MYLK: variants seen among roughly 807,000 people sequenced by gnomAD.
The protein encoded by MYLK is myosin light chain kinase, also known as myosin light chain kinase, smooth muscle.
In MYLK, 106 loss-of-function variants were observed where a neutral mutation model predicts 203.4. The observed-to-expected ratio is 0.52, with a 90% CI of 0.45 to 0.61. The LOEUF is 0.61. Ranked by LOEUF, MYLK falls within the 20% of genes least tolerant of loss-of-function variation. The probability of loss-of-function intolerance (pLI) is 0.00; values close to 1 mark genes in which losing one functional copy is unlikely to be tolerated. For synonymous variants in MYLK, 867 were observed against 959.5 expected (o/e 0.90, Z 1.78); for missense variants, 2,072 against 2,442.3 (o/e 0.85, Z 3.20).
rs752526557 is a variant in MYLK at position 123,638,116 on chromosome 3, C to G, written c.4916G>C (p.Gly1639Ala). ...GATGCTCCACATGTCTGTGGCGTAGCCGATGGGCTCATAGTTGATCACTTC... is the reference window on the plus strand; with the variant it reads ...GATGCTCCACATGTCTGTGGCGTAGGCGATGGGCTCATAGTTGATCACTTC... The part of the protein sequence containing the change: ...APEVINYEPI[G>A]YATDMWSIGV... The change falls in exon 29 of 34, where the codon GGC becomes GCC. Residue 1639 changes from glycine to alanine, a missense_variant. Physicochemically the swap from Gly to Ala is moderately conservative, Grantham distance 60. Coordinates refer to ENST00000360304, the MANE Select transcript of MYLK (RefSeq NM_053025.4). 1.9e-5 allele frequency: 30 copies of G among 1,614,018 alleles called. No individual in the cohort carries two copies. The highest frequency in any genetic ancestry group is 2.5e-5 in the Non-Finnish European group (29 of 1,180,032).
chr3:123,687,707 T>A (rs1560073836), intron 19 of MYLK, among the ~76,000 whole-genome samples: 1 of 151,752 alleles, frequency 6.6e-6, no homozygotes, highest in Non-Finnish European at 1.5e-5. Flanking sequence ...GGTCTCCCTC[T>A]GTCCCACAGG....
intron 3 of MYLK, among the ~76,000 whole-genome samples, chr3:123,821,021 G>A (rs1257833712): frequency 3.9e-5 from 6 of 152,066 alleles, no homozygotes; most frequent in Admixed American, 6.6e-5. Context: ...GAGCCACCAC[G>A]CCCGGCTGAG....
intron 11 of MYLK, among the ~76,000 whole-genome samples, chr3:123,727,908 G>A (rs1204030361): frequency 6.6e-6 from 1 of 152,160 alleles, no homozygotes; most frequent in Non-Finnish European, 1.5e-5. Context: ...GTATTCTGTA[G>A]TATAGGAAAA....
At chr3:123,735,548 T>A in intron 8 of MYLK, 132 bp from the exon 9 acceptor site, 1 of 1,012,304 alleles carries the variant, frequency 9.9e-7, no homozygotes, top group Non-Finnish European at 1.6e-6. Context: ...GTGCTGAACG[T>A]CTTTGGCCTT....
intron 18 of MYLK, among the ~76,000 whole-genome samples, chr3:123,698,634 C>A (rs1460738671): frequency 6.6e-6 from 1 of 152,116 alleles, no homozygotes; most frequent in East Asian, 1.9e-4. Flanking sequence ...TTCTGGAGGA[C>A]CCTGCCAATC....
chr3:123,664,375 G>C, intron 22 of MYLK, 117 bp from the exon 23 acceptor site: 1 of 1,423,434 alleles, frequency 7.0e-7, no homozygotes, highest in Admixed American at 1.7e-5. Flanking sequence ...CTGTGGGGGG[G>C]CTCAGTCTGG....
chr3:123,636,116 C>T (rs750411357), intron 29 of MYLK, among the ~76,000 whole-genome samples: 13 of 152,162 alleles, frequency 8.5e-5, no homozygotes, highest in Non-Finnish European at 1.8e-4. Flanking sequence ...GTAGAGGTTA[C>T]ACAGGTGAAA....
At chr3:123,624,774 C>T (rs2058054551) in intron 31 of MYLK, 1 of 152,270 alleles carries the variant, frequency 6.6e-6, no homozygotes, top group Admixed American at 6.5e-5. Context: ...ACCCACCTTC[C>T]CATGAGGGGT....
intron 8 of MYLK, 36 bp from the exon 9 acceptor site, chr3:123,735,452 A>C: frequency 6.2e-7 from 1 of 1,613,782 alleles, no homozygotes; most frequent in Non-Finnish European, 8.5e-7. Context: ...GACTGTTAGT[A>C]GAATGCTGTA....
At chr3:123,666,972 A>G (rs557841233) in intron 21 of MYLK, 165 bp downstream of exon 21, 76 of 690,964 alleles carry the variant, frequency 1.1e-4, no homozygotes, top group Non-Finnish European at 1.8e-4. Context: ...GCTCTCCATG[A>G]GCAAACTCAG....
At chr3:123,659,502 A>G (rs563294678) in intron 23 of MYLK, among the ~76,000 whole-genome samples, 2 of 152,344 alleles carry the variant, frequency 1.3e-5, no homozygotes, top group East Asian at 3.9e-4. Context: ...TAAAACTCCA[A>G]CATTTTTAAG....
intron 29 of MYLK, among the ~76,000 whole-genome samples, chr3:123,633,074 G>C (rs1399163334): frequency 6.6e-6 from 1 of 152,160 alleles, no homozygotes; most frequent in Non-Finnish European, 1.5e-5. Context: ...TTACAGGCAT[G>C]AGCCACTGTG....
At chr3:123,728,497 ACT>A (rs1186637990) in intron 11 of MYLK, among the ~76,000 whole-genome samples, 2 of 152,052 alleles carry the variant, frequency 1.3e-5, no homozygotes, top group African/African-American at 2.4e-5. Context: ...ACAGAGCGAG[ACT>A]CTGTCTCTAA....
At chr3:123,791,266 C>A (rs539789787) in intron 4 of MYLK, among the ~76,000 whole-genome samples, 7 of 152,288 alleles carry the variant, frequency 4.6e-5, no homozygotes, top group African/African-American at 1.7e-4. Flanking sequence ...TTATTATAAC[C>A]AGCAACTCCT....
intron 8 of MYLK, 57 bp downstream of exon 8, chr3:123,737,321 A>G (rs781011532): frequency 2.5e-5 from 41 of 1,610,922 alleles, no homozygotes; most frequent in Non-Finnish European, 3.3e-5. Context: ...CAGCTCCTCT[A>G]GGAGGGTGCG....
chr3:123,620,651 A>G, intron 31 of MYLK: 4 of 1,127,706 alleles, frequency 3.5e-6, no homozygotes, highest in Non-Finnish European at 4.4e-6. Flanking sequence ...GGGATGGTTT[A>G]TATAAAGCAA....
chr3:123,772,051 T>C (rs1350349810), intron 4 of MYLK, among the ~76,000 whole-genome samples: 1 of 152,112 alleles, frequency 6.6e-6, no homozygotes, highest in Non-Finnish European at 1.5e-5. Flanking sequence ...CTAGTAGCTA[T>C]TACGATTAGG....
intron 2 of MYLK, among the ~76,000 whole-genome samples, chr3:123,863,459 C>T (rs1290254424): frequency 6.6e-6 from 1 of 150,532 alleles, no homozygotes; most frequent in Non-Finnish European, 1.5e-5. Context: ...TTGCAAATCA[C>T]GTATCTGATA....
chr3:123,797,895 T>C (rs949056870), intron 3 of MYLK, among the ~76,000 whole-genome samples: 2 of 152,180 alleles, frequency 1.3e-5, no homozygotes, highest in Non-Finnish European at 2.9e-5. Context: ...CCACCCTGAA[T>C]ATAGATATAG....
Sources: gnomAD v4.1 joint callset for allele counts (sites outside exome capture counted in the v4.1 genomes callset) on GRCh38, gnomAD v4.1.1 for gene constraint, MANE v1.5 for transcripts, NCBI Gene and HGNC (gene_info 2026-07-23, HGNC 2026-07-21) for gene names.